ALDH9A1: variants seen among roughly 807,000 people sequenced by gnomAD.
ALDH9A1 encodes aldehyde dehydrogenase 9 family member A1.
ALDH9A1 carries 42 observed loss-of-function variants against 56.6 expected under a neutral mutation model. The observed-to-expected ratio is 0.74, with a 90% CI of 0.58 to 0.96. The LOEUF (loss-of-function observed/expected upper bound fraction) is 0.96. ALDH9A1 is among the 40% of genes least tolerant of loss of function. ALDH9A1 has a pLI of 0.00. For missense variants in ALDH9A1, 661 were observed against 651.5 expected (o/e 1.01, Z -0.16); for synonymous variants, 242 against 236.0 (o/e 1.03, Z -0.23).
intron 2 of ALDH9A1, among the ~76,000 whole-genome samples, chr1:165,683,565 C>T (rs760738871): frequency 1.3e-5 from 2 of 152,112 alleles, no homozygotes; most frequent in Non-Finnish European, 2.9e-5. Flanking sequence ...TGTATGTTTG[C>T]TCATATATGG....
At chr1:165,677,028 T>A (rs963737359) in intron 6 of ALDH9A1, among the ~76,000 whole-genome samples, 1 of 152,176 alleles carries the variant, frequency 6.6e-6, no homozygotes, top group African/African-American at 2.4e-5. Context: ...TATGAAATAC[T>A]TGTACTGGTT....
chr1:165,682,905 A>G, intron 3 of ALDH9A1, 76 bp downstream of exon 3: 1 of 1,510,060 alleles, frequency 6.6e-7, no homozygotes, highest in South Asian at 1.3e-5. Context: ...TAATTCCAAA[A>G]TCTTTGCCCT....
chr1:165,678,779 T>C (rs149162252), intron 6 of ALDH9A1, among the ~76,000 whole-genome samples: 1 of 152,202 alleles, frequency 6.6e-6, no homozygotes. Flanking sequence ...TTGCCAAAAA[T>C]TCATAATATG....
At position 165,698,524 on chromosome 1, in the gene ALDH9A1, G is replaced by C. The variant is rs548627494; in HGVS notation, c.35C>G (p.Pro12Arg). 4 of 1,610,420 alleles carry C rather than the reference G, an allele frequency of 2.5e-6. No individual in the cohort carries two copies. Among genetic ancestry groups the C allele is most frequent in the Admixed American group, 1.7e-5 (1 of 59,784 alleles). ...FLRAGLAALSPLLRSLRPSPV... is the reference protein window; with the variant it reads ...FLRAGLAALSRLLRSLRPSPV... ...AGAGGGCCGAAGACTGCGAAGAAGC[G>C]GGGAGAGCGCGGCCAGGCCTGCTCG... is the stretch of plus-strand genomic sequence containing the variant. Residue 12 changes from proline to arginine, a missense_variant, in exon 1 of 11, where the codon CCG (proline) becomes CGG (arginine). Coordinates refer to ENST00000354775, the MANE Select transcript of ALDH9A1 (RefSeq NM_000696.4).
intron 6 of ALDH9A1, among the ~76,000 whole-genome samples, chr1:165,674,577 T>C (rs779631344): frequency 2.7e-5 from 4 of 148,286 alleles, no homozygotes; most frequent in Non-Finnish European, 4.4e-5. Context: ...TCCCAGCTAC[T>C]CAGGAGGCTA....
intron 2 of ALDH9A1, 140 bp from the exon 3 acceptor site, chr1:165,683,250 A>C: frequency 1.1e-6 from 1 of 919,144 alleles, no homozygotes; most frequent in East Asian, 2.5e-5. Flanking sequence ...GCAGTGTTAC[A>C]TTTAGAAGAG....
intron 10 of ALDH9A1, among the ~76,000 whole-genome samples, chr1:165,663,974 G>A (rs970847884): frequency 6.6e-6 from 1 of 152,198 alleles, no homozygotes; most frequent in African/African-American, 2.4e-5. Context: ...AAAGTTAGGA[G>A]GCCCTCCAAA....
intron 6 of ALDH9A1, among the ~76,000 whole-genome samples, chr1:165,677,954 G>A (rs1239579906): frequency 3.9e-5 from 6 of 151,904 alleles, no homozygotes; most frequent in Admixed American, 1.3e-4. Context: ...ACTTGAACCC[G>A]AACCCAGGTG....
chr1:165,680,803 T>G (rs1301028521), intron 4 of ALDH9A1, 120 bp from the exon 5 acceptor site: 9 of 950,928 alleles, frequency 9.5e-6, no homozygotes, highest in Non-Finnish European at 1.4e-5. Flanking sequence ...AACCAAATCC[T>G]ACATCAAAAA....
chr1:165,695,219 C>T (rs1363022116), intron 2 of ALDH9A1, 33 bp downstream of exon 2: 2 of 1,567,536 alleles, frequency 1.3e-6, no homozygotes, highest in East Asian at 2.3e-5. Flanking sequence ...AGAGCAATGT[C>T]TGAGTTCTGG....
intron 6 of ALDH9A1, among the ~76,000 whole-genome samples, chr1:165,678,822 T>C (rs986814278): frequency 1.3e-5 from 2 of 152,168 alleles, no homozygotes; most frequent in Non-Finnish European, 1.5e-5. Flanking sequence ...AGACCCAAAC[T>C]AAGGAACATT....
rs72698063 is a variant in ALDH9A1, at chr1:165,674,042, C to T, written c.931-4592G>A. Among the ~76,000 whole-genome samples the T allele has an allele frequency of 1.7e-3, 255 of 152,104 alleles. 1 individual carries two copies. The highest frequency in any genetic ancestry group is 2.5e-3 in the Non-Finnish European group (170 of 67,984). On this transcript the variant is annotated intron_variant, in intron 6 of 10. Coordinates refer to ENST00000354775, the MANE Select transcript of ALDH9A1 (RefSeq NM_000696.4). ...CAAAACCAAGATGGTGATGAGTGAC[C>T]GCTGGTCGTCATTGCTGCTCATTAT... is the stretch of plus-strand genomic sequence containing the variant.
chr1:165,692,835 C>A (rs186819901), intron 2 of ALDH9A1, among the ~76,000 whole-genome samples: 2,598 of 152,062 alleles, frequency 0.017, 74 homozygotes, highest in African/African-American at 0.06. Flanking sequence ...CTACAGTAAC[C>A]AAAACAGCAT....
At chr1:165,675,549 G>A (rs541938422) in intron 6 of ALDH9A1, among the ~76,000 whole-genome samples, 5 of 152,290 alleles carry the variant, frequency 3.3e-5, no homozygotes, top group African/African-American at 1.2e-4. Flanking sequence ...AAAACTGGGT[G>A]GGAAGGAGGC....
chr1:165,666,644 T>G (rs1306061801), intron 9 of ALDH9A1, among the ~76,000 whole-genome samples: 1 of 146,122 alleles, frequency 6.8e-6, no homozygotes, highest in Non-Finnish European at 1.5e-5. Context: ...CATGAAGTTA[T>G]AAAAAAAAAA....
chr1:165,679,391 G>C (rs770245494), intron 6 of ALDH9A1, 51 bp downstream of exon 6: 36 of 1,594,652 alleles, frequency 2.3e-5, no homozygotes, highest in Non-Finnish European at 3.0e-5. Context: ...CACACTGTTG[G>C]ATGAGGGGGT....
intron 6 of ALDH9A1, among the ~76,000 whole-genome samples, chr1:165,674,758 A>T (rs568934294): frequency 9.9e-5 from 15 of 152,086 alleles, no homozygotes; most frequent in Non-Finnish European, 1.9e-4. Flanking sequence ...GGTATATACC[A>T]AAGGAAATGA....
In ALDH9A1 at chr1:165,663,133, C is replaced by T. The variant is rs1319655704; in HGVS notation, c.1474G>A (p.Glu492Lys). The change falls in exon 11 of 11, where the codon GAG becomes AAG. Residue 492 changes from glutamate to lysine, a missense_variant. Glu to Lys is a moderately conservative substitution (Grantham distance 56). Coordinates refer to ENST00000354775, the MANE Select transcript of ALDH9A1 (RefSeq NM_000696.4). ...TATTCGATTGTCACACGGCCGTTCTCTCTGCCAAATCCTGAAAGGAGGAGA... is the reference window on the plus strand; with the variant it reads ...TATTCGATTGTCACACGGCCGTTCTTTCTGCCAAATCCTGAAAGGAGGAGA... The part of the protein sequence containing the change: ...GGYKKSGFGR[E>K]NGRVTIEYYS... The T allele has an allele frequency of 6.2e-7, 1 of 1,613,872 alleles. No homozygotes were observed. The highest frequency in any genetic ancestry group is 8.5e-7 in the Non-Finnish European group (1 of 1,179,902).
In ALDH9A1 at chr1:165,667,502, C is replaced by G. The variant is rs755410316; in HGVS notation, c.1208-52G>C. 2.5e-6 allele frequency: 4 copies of G among 1,592,564 alleles called. No homozygotes were observed. In the South Asian group the frequency reaches 3.3e-5, roughly 13 times the overall value. The stretch of plus-strand genomic sequence containing the variant: ...GAGCAGCTGGGACCACAGTGTGCAC[C>G]ACCACCCCCAGCTAATTTTTTGAAG... On this transcript the variant is annotated intron_variant, in intron 8 of 10. Coordinates refer to ENST00000354775, the MANE Select transcript of ALDH9A1 (RefSeq NM_000696.4).
Sources: gnomAD v4.1 joint callset for allele counts (sites outside exome capture counted in the v4.1 genomes callset) on GRCh38, gnomAD v4.1.1 for gene constraint, MANE v1.5 for transcripts, NCBI Gene and HGNC (gene_info 2026-07-23, HGNC 2026-07-21) for gene names.